HIPK2: variants seen among roughly 807,000 people sequenced by gnomAD.
HIPK2 encodes the protein homeodomain interacting protein kinase 2.
HIPK2 carries 27 observed loss-of-function variants against 113.7 expected under a neutral mutation model. That is an observed-to-expected ratio of 0.24 (90% CI 0.17 to 0.33). HIPK2 has a LOEUF of 0.33. Ranked by LOEUF, HIPK2 falls within the 10% of genes least tolerant of loss-of-function variation. The pLI is 1.00. For synonymous variants in HIPK2, 631 were observed against 642.2 expected (o/e 0.98, Z 0.26); for missense variants, 1,257 against 1,588.0 (o/e 0.79, Z 3.54).
At chr7:139,772,576 T>TA (rs985995116) in intron 1 of HIPK2, among the ~76,000 whole-genome samples, 2 of 151,972 alleles carry the variant, frequency 1.3e-5, no homozygotes, top group African/African-American at 4.8e-5. Context: ...GATAGGAAAA[T>TA]GGGGTCTTCC....
At chr7:139,614,578 A>T (rs1799966554) in intron 7 of HIPK2, 85 bp from the exon 8 acceptor site, 2 of 905,554 alleles carry the variant, frequency 2.2e-6, no homozygotes, top group Non-Finnish European at 3.0e-6. Context: ...AATCTAAATC[A>T]AATAAATGAA....
intron 2 of HIPK2, among the ~76,000 whole-genome samples, chr7:139,693,006 G>C (rs1357150440): frequency 6.6e-6 from 1 of 152,198 alleles, no homozygotes; most frequent in Non-Finnish European, 1.5e-5. Flanking sequence ...ATTAGAACAG[G>C]AGAGAGCCAC....
At position 139,716,085 on chromosome 7, in the gene HIPK2, C is replaced by T. The variant is rs758365437; in HGVS notation, c.950G>A (p.Ser317Asn). ...QVATALMKLK[S>N]LGLIHADLKP... ...GAGGTCAGCGTGGATAAGACCTAGG[C>T]TTTTGAGTTTCATCAGGGCTGTGGC... is the stretch of plus-strand genomic sequence containing the variant. The change falls in exon 2 of 15, where the codon AGC (serine) becomes AAC (asparagine). Residue 317 changes from serine to asparagine, a missense_variant. Coordinates refer to ENST00000406875, the MANE Select transcript of HIPK2 (RefSeq NM_022740.5). This position sits in a 1 kb window ranked among gnomAD's most constrained non-coding sequence, Gnocchi z 9.3. 1 of 1,614,104 alleles carries T rather than the reference C, an allele frequency of 6.2e-7. No homozygotes were observed. The highest frequency in any genetic ancestry group is 2.2e-5 in the East Asian group (1 of 44,882).
Position 139,708,943 on chromosome 7 carries a change from GGACTGCA to G in HIPK2, c.1103+6982_1103+6988del, listed in dbSNP as rs1252054921. Among the ~76,000 whole-genome samples the G allele has an allele frequency of 5.9e-5, 9 of 152,154 alleles. No individual in the cohort carries two copies. In the East Asian group the frequency reaches 1.7e-3, roughly 29 times the overall value. On this transcript the variant is annotated intron_variant, in intron 2 of 14. Transcript: ENST00000406875. ...GTGCACCTGTGTGTGTGTGAAGAGG[GGACTGCA>G]GTACCAGGGCAGTATACACAGAGCA... is the stretch of plus-strand genomic sequence containing the variant.
At chr7:139,736,161 G>A (rs1040499856) in intron 1 of HIPK2, among the ~76,000 whole-genome samples, 1 of 152,136 alleles carries the variant, frequency 6.6e-6, no homozygotes, top group East Asian at 1.9e-4. Flanking sequence ...CCATGAAGGC[G>A]CATCTGAGAG....
At chr7:139,695,160 A>G (rs1004090242) in intron 2 of HIPK2, among the ~76,000 whole-genome samples, 1 of 152,212 alleles carries the variant, frequency 6.6e-6, no homozygotes, top group Non-Finnish European at 1.5e-5. Context: ...AAAAAGTAAT[A>G]AAAGTGAAAT....
chr7:139,721,439 G>A (rs1012520795), intron 1 of HIPK2, among the ~76,000 whole-genome samples: 7 of 152,290 alleles, frequency 4.6e-5, no homozygotes, highest in South Asian at 4.1e-4. Flanking sequence ...AGCCCACAAC[G>A]TATTACTTCT....
At chr7:139,720,936 G>A (rs1795390261) in intron 1 of HIPK2, among the ~76,000 whole-genome samples, 1 of 152,092 alleles carries the variant, frequency 6.6e-6, no homozygotes, top group African/African-American at 2.4e-5. Context: ...GGAAGAGGGT[G>A]GCTTATGACT....
At chr7:139,661,984 C>T (rs1277842204) in intron 2 of HIPK2, among the ~76,000 whole-genome samples, 1 of 152,192 alleles carries the variant, frequency 6.6e-6, no homozygotes. Context: ...TATTAAAATA[C>T]ACTTGCTAAG....
rs1293191453 is a variant in HIPK2 at position 139,633,647 on chromosome 7, T to TA, written c.1104-1923dup. On this transcript the variant is annotated intron_variant, in intron 2 of 14. Transcript: ENST00000406875. The stretch of plus-strand genomic sequence containing the variant: ...GGCAACAGAGTGAGACCCTGTTTCT[T>TA]AAAAAAAAAAAAAGGGGTTAGGCGC... Among the ~76,000 whole-genome samples the TA allele has an allele frequency of 8.9e-3, 1,164 of 130,784 alleles. 7 individuals carry two copies. The highest frequency in any genetic ancestry group is 0.017 in the African/African-American group (581 of 35,010). The allele number at this position is 130,784 out of a possible 152,430, so 85.8% of individuals were successfully genotyped here.
intron 1 of HIPK2, among the ~76,000 whole-genome samples, chr7:139,723,286 C>G (rs187840914): frequency 2.4e-4 from 36 of 150,338 alleles, no homozygotes; most frequent in Non-Finnish European, 4.4e-4. Context: ...CTCTGCCTCT[C>G]GAGTTCAAGC....
At chr7:139,709,347 A>G (rs1794997173) in intron 2 of HIPK2, among the ~76,000 whole-genome samples, 1 of 152,236 alleles carries the variant, frequency 6.6e-6, no homozygotes. Context: ...CTTTTCAATC[A>G]AACCTAACTT....
intron 2 of HIPK2, among the ~76,000 whole-genome samples, chr7:139,713,149 G>A (rs1413212890): frequency 6.6e-6 from 1 of 152,156 alleles, no homozygotes; most frequent in Non-Finnish European, 1.5e-5. Context: ...AGATGTGACT[G>A]TGCCTGTCAC....
chr7:139,605,342 C>G (rs968545708), intron 9 of HIPK2, among the ~76,000 whole-genome samples: 1 of 151,930 alleles, frequency 6.6e-6, no homozygotes, highest in African/African-American at 2.4e-5. Flanking sequence ...GACTGAATAC[C>G]ACTGCCTAAA....
At chr7:139,756,068 C>T (rs1796357286) in intron 1 of HIPK2, among the ~76,000 whole-genome samples, 1 of 152,196 alleles carries the variant, frequency 6.6e-6, no homozygotes, top group Non-Finnish European at 1.5e-5. Flanking sequence ...AATCAGTCAA[C>T]CAATCAATCT....
chr7:139,733,629 G>A (rs1795855418), intron 1 of HIPK2, among the ~76,000 whole-genome samples: 1 of 152,102 alleles, frequency 6.6e-6, no homozygotes, highest in East Asian at 1.9e-4. Flanking sequence ...CACAAATATA[G>A]AAAAATTTAA....
At chr7:139,695,735 T>C (rs1035215401) in intron 2 of HIPK2, among the ~76,000 whole-genome samples, 28,344 of 151,982 alleles carry the variant, frequency 0.19, 2,695 homozygotes, top group African/African-American at 0.21. Context: ...CTGCCAAAGA[T>C]GTTTTGGACA....
intron 2 of HIPK2, among the ~76,000 whole-genome samples, chr7:139,715,066 C>T (rs919386004): frequency 2.6e-5 from 4 of 152,316 alleles, no homozygotes; most frequent in South Asian, 2.1e-4. Flanking sequence ...AGCTCCATGT[C>T]GGCAGCGGTT....
chr7:139,622,530 A>G (rs1337533201), intron 6 of HIPK2, among the ~76,000 whole-genome samples: 1 of 152,204 alleles, frequency 6.6e-6, no homozygotes, highest in East Asian at 1.9e-4. Flanking sequence ...GGTTTTAGGA[A>G]AGGGCAAGTC....
Sources: allele counts gnomAD v4.1 joint callset (sites outside exome capture counted in the v4.1 genomes callset), GRCh38; gene constraint gnomAD v4.1.1; non-coding constraint Gnocchi (gnomAD v3.1); transcripts MANE v1.5; gene names NCBI Gene and HGNC (gene_info 2026-07-23, HGNC 2026-07-21).